The following CCBE1 variants were observed in gnomAD, a reference collection of about 807,000 sequenced individuals.
The protein encoded by CCBE1 is collagen and calcium binding EGF domains 1.
CCBE1 carries 37 observed loss-of-function variants against 50.0 expected under a neutral mutation model. That is an observed-to-expected ratio of 0.74 (90% CI 0.57 to 0.97). The LOEUF (loss-of-function observed/expected upper bound fraction) is 0.97, where lower values mean the gene tolerates loss of function less well. CCBE1 is among the 50% of genes least tolerant of loss of function. The pLI is 0.00. For synonymous variants in CCBE1, 234 were observed against 203.7 expected, an observed-to-expected ratio of 1.15 and a Z score of -1.27; for missense variants, 538 against 523.8, an observed-to-expected ratio of 1.03 and a Z score of -0.26.
At chr18:59,696,755 G>A (rs1042666465) in intron 1 of CCBE1, 46 bp from the exon 2 acceptor site, 1 of 1,595,294 alleles carries the variant, frequency 6.3e-7, no homozygotes, top group Non-Finnish European at 8.6e-7. Context: ...GCGGGAGAGC[G>A]GAGGCGGGCA....
chr18:59,685,837 C>T (rs1310560592), intron 2 of CCBE1: 1 of 152,238 alleles, frequency 6.6e-6, no homozygotes, highest in African/African-American at 2.4e-5. Flanking sequence ...TGCTTCTCAA[C>T]ACTTGATGTG....
At chr18:59,501,934 A>C (rs1161309806) in intron 2 of CCBE1, among the ~76,000 whole-genome samples, 3 of 152,154 alleles carry the variant, frequency 2.0e-5, no homozygotes, top group Non-Finnish European at 4.4e-5. Context: ...AAGTAGCTGC[A>C]ACTACAGGCG....
At chr18:59,475,558 T>C (rs1048114044) in intron 3 of CCBE1, among the ~76,000 whole-genome samples, 1 of 152,208 alleles carries the variant, frequency 6.6e-6, no homozygotes, top group Non-Finnish European at 1.5e-5. Flanking sequence ...TGTCCTTTTA[T>C]AATTGTTGAT....
chr18:59,454,741 G>T, intron 6 of CCBE1, 110 bp downstream of exon 6: 3 of 959,440 alleles, frequency 3.1e-6, no homozygotes, highest in Non-Finnish European at 4.9e-6. Context: ...GGCATCAACT[G>T]CGTGAATGCT....
intron 2 of CCBE1, among the ~76,000 whole-genome samples, chr18:59,515,678 C>T (rs1568181588): frequency 6.6e-6 from 1 of 152,158 alleles, no homozygotes; most frequent in Non-Finnish European, 1.5e-5. Context: ...CTATGTTGCT[C>T]CCCTCTAACT....
chr18:59,502,653 A>C (rs1247214218), intron 2 of CCBE1, among the ~76,000 whole-genome samples: 1 of 152,108 alleles, frequency 6.6e-6, no homozygotes, highest in African/African-American at 2.4e-5. Flanking sequence ...TCAAGCTAAC[A>C]TGTTTTGGCT....
intron 2 of CCBE1, among the ~76,000 whole-genome samples, chr18:59,501,614 G>A (rs1366835421): frequency 6.6e-6 from 1 of 152,120 alleles, no homozygotes; most frequent in East Asian, 1.9e-4. Context: ...CCACCAAGAA[G>A]GGATTTCCAC....
chr18:59,613,315 T>C (rs894934765), intron 2 of CCBE1, among the ~76,000 whole-genome samples: 7 of 152,134 alleles, frequency 4.6e-5, no homozygotes, highest in African/African-American at 1.7e-4. Context: ...GTGTGATTTT[T>C]TTTGTACCCT....
intron 2 of CCBE1, among the ~76,000 whole-genome samples, chr18:59,541,665 A>G (rs560158191): frequency 6.6e-6 from 1 of 152,308 alleles, no homozygotes; most frequent in African/African-American, 2.4e-5. Context: ...CATGGAGATC[A>G]GCAGGAGGAG....
At chr18:59,581,520 G>A (rs1301658912) in intron 2 of CCBE1, among the ~76,000 whole-genome samples, 1 of 151,758 alleles carries the variant, frequency 6.6e-6, no homozygotes, top group Non-Finnish European at 1.5e-5. Context: ...ACAGACCCTA[G>A]TTTGGAAATA....
intron 2 of CCBE1, among the ~76,000 whole-genome samples, chr18:59,692,866 T>C (rs1405161801): frequency 7.7e-6 from 1 of 129,782 alleles, no homozygotes; most frequent in African/African-American, 2.8e-5. Context: ...AGCCTCCACG[T>C]GGAGTTCCAT....
intron 2 of CCBE1, among the ~76,000 whole-genome samples, chr18:59,507,885 CTCTT>C (rs1913949393): frequency 6.7e-6 from 1 of 149,316 alleles, no homozygotes; most frequent in South Asian, 2.1e-4. Context: ...GGTTTTTTTC[CTCTT>C]TCTTTTCCTT....
At chr18:59,564,904 G>T (rs2052797060) in intron 2 of CCBE1, among the ~76,000 whole-genome samples, 1 of 152,162 alleles carries the variant, frequency 6.6e-6, no homozygotes. Context: ...ATCAACAGGG[G>T]GACTGCAAAG....
intron 2 of CCBE1, among the ~76,000 whole-genome samples, chr18:59,629,384 C>T (rs2053825084): frequency 6.6e-6 from 1 of 152,216 alleles, no homozygotes. Context: ...TCCAATGCTG[C>T]TGTTTTTCCC....
intron 2 of CCBE1, among the ~76,000 whole-genome samples, chr18:59,514,849 G>A (rs1914300703): frequency 6.6e-6 from 1 of 151,870 alleles, no homozygotes; most frequent in Admixed American, 6.6e-5. Flanking sequence ...AGGTTTTTCA[G>A]TGGTCATCAA....
chr18:59,438,866 C>T (rs751113094), intron 9 of CCBE1, among the ~76,000 whole-genome samples: 1 of 152,080 alleles, frequency 6.6e-6, no homozygotes, highest in Admixed American at 6.5e-5. Flanking sequence ...GAGAGACCTT[C>T]AGGCCGGGAG....
Position 59,521,432 on chromosome 18 carries a change from T to G in CCBE1, c.213-41194A>C, listed in dbSNP as rs953009766. Among the ~76,000 whole-genome samples, 12 of 152,212 alleles carry G rather than the reference T, an allele frequency of 7.9e-5. No individual in the cohort carries two copies. In the East Asian group the frequency reaches 2.3e-3, roughly 29 times the overall value. On this transcript the variant is annotated intron_variant, in intron 2 of 10. Transcript: ENST00000439986. ...ACACATTCTTTGTTTGTTTTTTGTT[T>G]TTTTTTCTTTCTTCAGGAAGCATTT... is the stretch of plus-strand genomic sequence containing the variant.
chr18:59,675,044 G>A (rs1779337404), intron 2 of CCBE1, among the ~76,000 whole-genome samples: 1 of 152,040 alleles, frequency 6.6e-6, no homozygotes. Flanking sequence ...TATCGACCAT[G>A]GCTTTTCATA....
intron 2 of CCBE1, among the ~76,000 whole-genome samples, chr18:59,604,169 A>G (rs8088867): frequency 1.3e-5 from 2 of 152,232 alleles, no homozygotes; most frequent in African/African-American, 4.8e-5. Context: ...TCTTCACCCC[A>G]TAAGAGCTTC....
Sources: allele counts gnomAD v4.1 joint callset (sites outside exome capture counted in the v4.1 genomes callset), GRCh38; gene constraint gnomAD v4.1.1; transcripts MANE v1.5; gene names NCBI Gene and HGNC (gene_info 2026-07-23, HGNC 2026-07-21).